The following IGSF5 variants were observed in gnomAD, a reference collection of about 807,000 sequenced individuals.
IGSF5 encodes the protein immunoglobulin superfamily member 5.
A neutral mutation model predicts 39.4 loss-of-function variants in IGSF5; 41 were observed. The observed-to-expected ratio is 1.04, with a 90% CI of 0.81 to 1.35. The LOEUF is 1.35. Ranked by LOEUF, IGSF5 falls within the 40% of genes most tolerant of loss-of-function variation. IGSF5 has a pLI of 0.00. For missense variants in IGSF5, 487 were observed against 494.6 expected (o/e 0.98, Z 0.15); for synonymous variants, 183 against 175.3 (o/e 1.04, Z -0.34).
At chr21:39,714,814 T>C in the IGSF5 span, among the ~76,000 whole-genome samples, 2 of 152,246 alleles carry the variant, frequency 1.3e-5, no homozygotes, top group Non-Finnish European at 2.9e-5. Flanking sequence ...TGACCCTTTT[T>C]TCAAATAAGT....
At chr21:39,797,910 C>T (rs529773146) in intron 8 of IGSF5, among the ~76,000 whole-genome samples, 16 of 152,292 alleles carry the variant, frequency 1.1e-4, no homozygotes, top group Admixed American at 4.6e-4. Flanking sequence ...AATAACATCA[C>T]GTTTTGGGTC....
chr21:39,771,231 C>A lies in IGSF5; in HGVS notation c.718+16C>A. On this transcript the variant is annotated intron_variant, in intron 4 of 8. Transcript: ENST00000380588. The stretch of plus-strand genomic sequence containing the variant: ...TGTCCCCAAGGTAAGTGAAGACATT[C>A]TGCTTTATATGAAATGAATGATTAT... 1.3e-6 allele frequency: 2 copies of A among 1,526,010 alleles called. No individual in the cohort carries two copies. The highest frequency in any genetic ancestry group is 1.3e-5 in the South Asian group (1 of 75,108). 94.5% of individuals were successfully genotyped at this position (1,526,010 alleles called of 1,614,324 possible).
chr21:39,792,494 G>A (rs868282919), intron 7 of IGSF5, among the ~76,000 whole-genome samples: 4 of 152,096 alleles, frequency 2.6e-5, no homozygotes, highest in South Asian at 2.1e-4. Context: ...AAACATGCAC[G>A]TTGTGCACAT....
intron 6 of IGSF5, among the ~76,000 whole-genome samples, chr21:39,789,465 G>A (rs1264779979): frequency 1.3e-5 from 2 of 152,162 alleles, no homozygotes; most frequent in East Asian, 3.9e-4. Context: ...GAACTTAGGT[G>A]AGACTGCATT....
At chr21:39,773,478 C>CT (rs1555943411) in intron 4 of IGSF5, among the ~76,000 whole-genome samples, 2 of 143,856 alleles carry the variant, frequency 1.4e-5, no homozygotes, top group Non-Finnish European at 3.0e-5. Flanking sequence ...TCTTCCTTTT[C>CT]TTTTTTTTTC....
At chr21:39,788,342 A>G (rs1196304758) in intron 6 of IGSF5, among the ~76,000 whole-genome samples, 154 bp downstream of exon 6, 1 of 152,258 alleles carries the variant, frequency 6.6e-6, no homozygotes, top group African/African-American at 2.4e-5. Flanking sequence ...AAAAACACGT[A>G]TGCCGATCAC....
the IGSF5 span, among the ~76,000 whole-genome samples, chr21:39,712,456 G>C: frequency 6.6e-6 from 1 of 152,168 alleles, no homozygotes; most frequent in Non-Finnish European, 1.5e-5. Context: ...CAGGATATGA[G>C]TTAATTCCTG....
At chr21:39,792,972 T>C (rs1203351695) in intron 7 of IGSF5, among the ~76,000 whole-genome samples, 2 of 151,292 alleles carry the variant, frequency 1.3e-5, no homozygotes, top group East Asian at 1.9e-4. Context: ...ACACCTGCGT[T>C]TTCCACAAAA....
the IGSF5 span, among the ~76,000 whole-genome samples, chr21:39,712,032 T>C: frequency 1.3e-5 from 2 of 152,160 alleles, no homozygotes; most frequent in Non-Finnish European, 2.9e-5. Context: ...CACAGTTCTC[T>C]AAGTGAGCCA....
intron 3 of IGSF5, among the ~76,000 whole-genome samples, chr21:39,770,549 G>A (rs540205226): frequency 6.6e-6 from 1 of 151,990 alleles, no homozygotes; most frequent in South Asian, 2.1e-4. Context: ...TTGCTCCCTC[G>A]ACAGCCCAAG....
At chr21:39,720,928 CA>C in the IGSF5 span, among the ~76,000 whole-genome samples, 2 of 152,042 alleles carry the variant, frequency 1.3e-5, no homozygotes, top group Non-Finnish European at 2.9e-5. Flanking sequence ...TACTTCAAAA[CA>C]AAACAAACAA....
the IGSF5 span, among the ~76,000 whole-genome samples, chr21:39,723,664 G>T: frequency 6.6e-6 from 1 of 152,108 alleles, no homozygotes; most frequent in African/African-American, 2.4e-5. Context: ...TAAAGGTTAT[G>T]GGTCAAAAGG....
intron 8 of IGSF5, among the ~76,000 whole-genome samples, chr21:39,800,935 T>C (rs183624492): frequency 8.0e-4 from 122 of 152,366 alleles, no homozygotes; most frequent in African/African-American, 2.6e-3. Flanking sequence ...AAATATTTTA[T>C]ATTTTCATAA....
chr21:39,759,866 C>CA (rs1307376560), intron 2 of IGSF5, among the ~76,000 whole-genome samples: 8,737 of 61,196 alleles, frequency 0.14, 487 homozygotes, highest in East Asian at 0.34. Flanking sequence ...GACTCCGTCT[C>CA]AAAAAAAAAA....
Position 39,765,692 on chromosome 21 carries a change from C to T in IGSF5, c.258C>T (p.Pro86=), listed in dbSNP as rs779234667. Residue 86 remains proline, a synonymous_variant, in exon 3 of 9, where the codon CCC becomes CCT. Transcript: ENST00000380588. ...MVVLSVRPME[P]IITNDRFTSQ... is the part of the protein sequence containing the mutation. ...TGCTAAGCGTCAGGCCCATGGAGCC[C>T]ATCATCACCAATGACCGCTTCACCT... 5 of 1,613,960 alleles carry T rather than the reference C, an allele frequency of 3.1e-6. No homozygotes were observed. Among genetic ancestry groups the T allele is most frequent in the African/African-American group, 1.3e-5 (1 of 74,904 alleles).
chr21:39,758,693 G>T (rs4816654), intron 2 of IGSF5, among the ~76,000 whole-genome samples: 6,824 of 152,152 alleles, frequency 0.045, 308 homozygotes, highest in East Asian at 0.22. Context: ...ACTTTCTATG[G>T]GAAAGGCATA....
At chr21:39,725,235 G>C in the IGSF5 span, among the ~76,000 whole-genome samples, 1 of 152,236 alleles carries the variant, frequency 6.6e-6, no homozygotes, top group African/African-American at 2.4e-5. Flanking sequence ...GTTTGTAGGA[G>C]TGCCAAGATG....
chr21:39,793,703 T>C, intron 8 of IGSF5, 90 bp downstream of exon 8: 1 of 1,002,514 alleles, frequency 1.0e-6, no homozygotes, highest in Non-Finnish European at 1.6e-6. Flanking sequence ...TGGTGCGCGT[T>C]GTGTATTCAT....
chr21:39,751,062 G>C (rs1882858), intron 2 of IGSF5: 16,469 of 153,190 alleles, frequency 0.11, 2,907 homozygotes, highest in African/African-American at 0.37. Context: ...TTGGAGCTTG[G>C]TGATGATTAA....
Sources: allele counts gnomAD v4.1 joint callset (sites outside exome capture counted in the v4.1 genomes callset), GRCh38; gene constraint gnomAD v4.1.1; transcripts MANE v1.5; gene names NCBI Gene and HGNC (gene_info 2026-07-23, HGNC 2026-07-21).